The following PTPRG variants were observed in gnomAD, a reference collection of about 807,000 sequenced individuals.
PTPRG encodes receptor-type tyrosine-protein phosphatase gamma.
In PTPRG, 102 loss-of-function variants were observed where a neutral mutation model predicts 165.3. The ratio of observed to expected loss-of-function variants is 0.62; its 90% CI spans 0.53 to 0.73. The LOEUF is 0.73. Ranked by LOEUF, PTPRG falls within the 30% of genes least tolerant of loss-of-function variation. The pLI is 0.00. For missense variants in PTPRG, 1,866 were observed against 1,861.4 expected, an observed-to-expected ratio of 1.00 and a Z score of -0.05; for synonymous variants, 675 against 669.5, an observed-to-expected ratio of 1.01 and a Z score of -0.13.
intron 4 of PTPRG, among the ~76,000 whole-genome samples, chr3:62,061,820 G>T (rs1276086478): frequency 4.0e-5 from 6 of 151,426 alleles, no homozygotes; most frequent in Non-Finnish European, 1.5e-5. Flanking sequence ...AGTAGAGACG[G>T]GGTTTCACCA....
intron 4 of PTPRG, among the ~76,000 whole-genome samples, chr3:62,066,928 C>T (rs1230962794): frequency 6.6e-6 from 1 of 151,392 alleles, no homozygotes; most frequent in South Asian, 2.1e-4. Flanking sequence ...ATCCCAGCTA[C>T]TCAGGAGGCG....
intron 1 of PTPRG, among the ~76,000 whole-genome samples, chr3:61,702,728 T>G (rs1245881753): frequency 6.6e-6 from 1 of 152,242 alleles, no homozygotes; most frequent in African/African-American, 2.4e-5. Flanking sequence ...ACCATACAGA[T>G]AGATTTGCCC....
At chr3:62,030,638 A>C (rs1404540073) in intron 4 of PTPRG, among the ~76,000 whole-genome samples, 1 of 152,146 alleles carries the variant, frequency 6.6e-6, no homozygotes, top group Non-Finnish European at 1.5e-5. Flanking sequence ...GGGTGGTGGG[A>C]GAGTCATCAA....
chr3:62,005,511 A>G (rs995161908), intron 4 of PTPRG, among the ~76,000 whole-genome samples: 1 of 151,910 alleles, frequency 6.6e-6, no homozygotes, highest in Non-Finnish European at 1.5e-5. Flanking sequence ...GTCGTTTTGG[A>G]CAAAAGACCT....
intron 8 of PTPRG, among the ~76,000 whole-genome samples, chr3:62,178,970 T>C (rs1705544162): frequency 6.6e-6 from 1 of 152,188 alleles, no homozygotes; most frequent in South Asian, 2.1e-4. Context: ...ATTCACAGCC[T>C]ATGAAACATG....
intron 2 of PTPRG, among the ~76,000 whole-genome samples, chr3:61,797,858 A>G (rs1021549792): frequency 6.6e-6 from 1 of 152,212 alleles, no homozygotes; most frequent in Admixed American, 6.5e-5. Context: ...AATGTCAAAA[A>G]GAAGGAAAGA....
intron 1 of PTPRG, among the ~76,000 whole-genome samples, chr3:61,696,365 G>A (rs537442463): frequency 1.3e-5 from 2 of 152,148 alleles, no homozygotes; most frequent in East Asian, 1.9e-4. Context: ...AGCCAGGTGT[G>A]GTGGCAGGCG....
rs1259916708 is a variant in PTPRG, at chr3:61,633,466, T to G, written c.85+71094T>G. On this transcript the variant is annotated intron_variant, in intron 1 of 29. Coordinates refer to ENST00000474889, the MANE Select transcript of PTPRG (RefSeq NM_002841.4). ...TTTGGGACAAAATGATGTGAAACAT[T>G]TTAATTTAATTTTTGGATTGTTCAT... 3.9e-5 allele frequency among the ~76,000 whole-genome samples: 6 copies of G among 152,216 alleles called. No individual in the cohort carries two copies. The East Asian group carries it at 9.6e-4, about 24-fold the overall frequency.
chr3:62,250,683 T>C (rs1356340339), intron 15 of PTPRG, among the ~76,000 whole-genome samples: 2 of 152,188 alleles, frequency 1.3e-5, no homozygotes, highest in African/African-American at 4.8e-5. Flanking sequence ...CAGCTTTATG[T>C]TCGAATGCCA....
intron 2 of PTPRG, among the ~76,000 whole-genome samples, chr3:61,908,922 A>G (rs1320864955): frequency 6.6e-6 from 1 of 152,224 alleles, no homozygotes; most frequent in Non-Finnish European, 1.5e-5. Flanking sequence ...ACTGCCCCCC[A>G]TTCCAAGTGA....
At chr3:61,614,840 A>G (rs182092886) in intron 1 of PTPRG, among the ~76,000 whole-genome samples, 2 of 152,320 alleles carry the variant, frequency 1.3e-5, no homozygotes, top group African/African-American at 4.8e-5. Flanking sequence ...CAGTTTTGTT[A>G]TAAAATTAGC....
At chr3:61,714,242 CTAT>C (rs1391543295) in intron 1 of PTPRG, among the ~76,000 whole-genome samples, 1 of 152,026 alleles carries the variant, frequency 6.6e-6, no homozygotes, top group Admixed American at 6.6e-5. Flanking sequence ...TGATTGTCTT[CTAT>C]TATTTCTCCA....
intron 8 of PTPRG, among the ~76,000 whole-genome samples, chr3:62,187,965 A>AT (rs1699705356): frequency 6.6e-6 from 1 of 152,154 alleles, no homozygotes; most frequent in African/African-American, 2.4e-5. Context: ...TTAACTCAGT[A>AT]TTTTTTAATA....
intron 5 of PTPRG, among the ~76,000 whole-genome samples, chr3:62,108,852 G>T (rs930657946): frequency 6.6e-5 from 10 of 152,138 alleles, no homozygotes; most frequent in Non-Finnish European, 1.3e-4. Context: ...TTTGAGAAGT[G>T]TCTGTTCATA....
intron 1 of PTPRG, among the ~76,000 whole-genome samples, chr3:61,640,722 A>C (rs1008686107): frequency 1.3e-5 from 2 of 152,224 alleles, no homozygotes; most frequent in Non-Finnish European, 2.9e-5. Flanking sequence ...AGTCTAACAC[A>C]AACTGCAGTT....
chr3:61,701,981 C>G (rs2030988873), intron 1 of PTPRG, among the ~76,000 whole-genome samples: 1 of 151,284 alleles, frequency 6.6e-6, no homozygotes, highest in African/African-American at 2.4e-5. Flanking sequence ...TGTGTGCTTT[C>G]TTTTCTTTAT....
At chr3:61,950,225 T>C (rs1441212975) in intron 2 of PTPRG, among the ~76,000 whole-genome samples, 2 of 152,226 alleles carry the variant, frequency 1.3e-5, no homozygotes, top group African/African-American at 2.4e-5. Flanking sequence ...TTTCCTCACA[T>C]TCTTTTCCCC....
intron 8 of PTPRG, among the ~76,000 whole-genome samples, chr3:62,182,196 C>T (rs1041305627): frequency 5.3e-5 from 8 of 152,048 alleles, no homozygotes; most frequent in South Asian, 4.2e-4. Flanking sequence ...AGGAGGAGTT[C>T]GTTGCCCTGT....
At chr3:61,806,905 G>C (rs2035435817) in intron 2 of PTPRG, among the ~76,000 whole-genome samples, 1 of 152,134 alleles carries the variant, frequency 6.6e-6, no homozygotes, top group South Asian at 2.1e-4. Flanking sequence ...AATTTTATAG[G>C]AGTTTTACAG....
Sources: gnomAD v4.1 joint callset for allele counts (sites outside exome capture counted in the v4.1 genomes callset) on GRCh38, gnomAD v4.1.1 for gene constraint, MANE v1.5 for transcripts, NCBI Gene and HGNC (gene_info 2026-07-23, HGNC 2026-07-21) for gene names.